Variants in MPPED2 observed in about 807,000 individuals in gnomAD.
MPPED2 encodes the protein metallophosphoesterase MPPED2.
MPPED2 carries 5 observed loss-of-function variants against 33.0 expected under a neutral mutation model. That is an observed-to-expected ratio of 0.15 (90% CI 0.08 to 0.32). The LOEUF (loss-of-function observed/expected upper bound fraction) is 0.32. Among genes scored for constraint, MPPED2 ranks in the 10% least tolerant of loss-of-function variants. The pLI, the probability that MPPED2 is intolerant of heterozygous loss-of-function variation, is 1.00. For missense variants in MPPED2, 275 were observed against 372.1 expected (o/e 0.74, Z 2.15); for synonymous variants, 136 against 141.9 (o/e 0.96, Z 0.29).
intron 3 of MPPED2, among the ~76,000 whole-genome samples, chr11:30,515,329 T>G (rs1431782511): frequency 6.6e-6 from 1 of 152,140 alleles, no homozygotes; most frequent in Non-Finnish European, 1.5e-5. Flanking sequence ...GTGCACTGGC[T>G]GTGAGAGAAC....
At chr11:30,400,952 A>C (rs1323341692) in intron 6 of MPPED2, among the ~76,000 whole-genome samples, 1 of 151,720 alleles carries the variant, frequency 6.6e-6, no homozygotes. Context: ...GATTTTTAGT[A>C]GAGACAAGGT....
chr11:30,571,096 A>G (rs1956668861), intron 2 of MPPED2, among the ~76,000 whole-genome samples: 1 of 152,030 alleles, frequency 6.6e-6, no homozygotes, highest in Non-Finnish European at 1.5e-5. Flanking sequence ...GCTCAATACT[A>G]TCAAATGTGA....
Position 30,498,322 on chromosome 11 carries a change from C to T in MPPED2, c.311-2801G>A, listed in dbSNP as rs146844844. Among the ~76,000 whole-genome samples the T allele has an allele frequency of 1.2e-3, 179 of 152,222 alleles. 1 individual carries two copies. The highest frequency in any genetic ancestry group is 3.9e-3 in the African/African-American group (163 of 41,528). ...TCTACCAGCCGGGCACGGTGGCTCA[C>T]ACCCGGAATCCCAGCACTTTGGGAG... On this transcript the variant is annotated intron_variant, in intron 3 of 6. Transcript: ENST00000358117.
At chr11:30,494,369 A>T (rs1480509184) in intron 4 of MPPED2, among the ~76,000 whole-genome samples, 2 of 152,140 alleles carry the variant, frequency 1.3e-5, no homozygotes. Flanking sequence ...AGCCCCAGTA[A>T]CATAAACATA....
chr11:30,512,248 A>G (rs1485176207), intron 3 of MPPED2, among the ~76,000 whole-genome samples: 3 of 152,098 alleles, frequency 2.0e-5, no homozygotes, highest in Non-Finnish European at 4.4e-5. Context: ...CTACTTGGCC[A>G]CCATTGACTT....
chr11:30,491,242 T>C (rs1951969890), intron 4 of MPPED2, among the ~76,000 whole-genome samples: 1 of 152,200 alleles, frequency 6.6e-6, no homozygotes, highest in African/African-American at 2.4e-5. Flanking sequence ...TTAAAGGAAT[T>C]CAAGCATGCT....
At chr11:30,423,460 A>G (rs1381676146) in intron 4 of MPPED2, among the ~76,000 whole-genome samples, 1 of 152,204 alleles carries the variant, frequency 6.6e-6, no homozygotes, top group Non-Finnish European at 1.5e-5. Context: ...GAAGCTGTGA[A>G]GGGGAAAGTG....
intron 4 of MPPED2, among the ~76,000 whole-genome samples, chr11:30,439,431 C>T (rs1271510909): frequency 6.6e-6 from 1 of 152,092 alleles, no homozygotes; most frequent in African/African-American, 2.4e-5. Context: ...CAGATGTTTC[C>T]TATTACACAC....
At chr11:30,407,106 G>A (rs118053379), downstream of MPPED2, among the ~76,000 whole-genome samples, 673 of 152,266 alleles carry the variant, frequency 4.4e-3, 7 homozygotes, top group Middle Eastern at 0.02. Flanking sequence ...CCTAGGTCAC[G>A]GTATTTATTT....
intron 3 of MPPED2, chr11:30,501,612 G>T (rs1417188149): frequency 1.0e-6 from 1 of 979,594 alleles, no homozygotes; most frequent in African/African-American, 1.7e-5. Flanking sequence ...AGTATAACCT[G>T]TAATAGATAG....
intron 6 of MPPED2, among the ~76,000 whole-genome samples, chr11:30,413,637 C>T (rs754627491): frequency 5.9e-5 from 9 of 152,016 alleles, no homozygotes; most frequent in Non-Finnish European, 8.8e-5. Context: ...CTAATAGCTC[C>T]GATGATTTCT....
At chr11:30,420,134 A>T (rs1948547028) in intron 4 of MPPED2, among the ~76,000 whole-genome samples, 1 of 152,210 alleles carries the variant, frequency 6.6e-6, no homozygotes, top group African/African-American at 2.4e-5. Flanking sequence ...TGGAATTCAG[A>T]TGACCTGAAA....
At chr11:30,462,449 A>G (rs1368156933) in intron 4 of MPPED2, among the ~76,000 whole-genome samples, 1 of 152,350 alleles carries the variant, frequency 6.6e-6, no homozygotes, top group Non-Finnish European at 1.5e-5. Context: ...AAATCACTGC[A>G]TAATTGTAAA....
At chr11:30,558,080 A>G (rs892431891) in intron 2 of MPPED2, among the ~76,000 whole-genome samples, 3 of 152,184 alleles carry the variant, frequency 2.0e-5, no homozygotes, top group African/African-American at 4.8e-5. Flanking sequence ...AATTGTTTTC[A>G]GTGATATTGG....
chr11:30,558,024 T>C (rs989261169), intron 2 of MPPED2, among the ~76,000 whole-genome samples: 3 of 152,224 alleles, frequency 2.0e-5, no homozygotes, highest in Non-Finnish European at 4.4e-5. Context: ...TTTCTTTATG[T>C]GCCCATGACC....
intron 2 of MPPED2, among the ~76,000 whole-genome samples, chr11:30,564,543 C>G (rs1009117068): frequency 2.0e-5 from 3 of 152,184 alleles, no homozygotes; most frequent in Non-Finnish European, 4.4e-5. Flanking sequence ...AAGTAACTCA[C>G]TCAAAGTTGC....
exon 7 of MPPED2, chr11:30,388,185 T>G (rs1489149075): frequency 2.6e-5 from 4 of 152,216 alleles, no homozygotes; most frequent in Non-Finnish European, 4.4e-5. Context: ...TCATCCTGAA[T>G]CCCCCTAATC....
At chr11:30,417,712 C>A in intron 4 of MPPED2, 79 bp from the exon 5 acceptor site, 1 of 816,896 alleles carries the variant, frequency 1.2e-6, no homozygotes, top group South Asian at 1.5e-5. Flanking sequence ...CTCGCACATT[C>A]CCCCACGGTT....
At chr11:30,447,895 G>T (rs542626579) in intron 4 of MPPED2, among the ~76,000 whole-genome samples, 43 of 152,222 alleles carry the variant, frequency 2.8e-4, no homozygotes, top group African/African-American at 9.9e-4. Context: ...TATGATCTTA[G>T]GGAGCAGATC....
Sources: gnomAD v4.1 joint callset for allele counts (sites outside exome capture counted in the v4.1 genomes callset) on GRCh38, gnomAD v4.1.1 for gene constraint, MANE v1.5 for transcripts, NCBI Gene and HGNC (gene_info 2026-07-23, HGNC 2026-07-21) for gene names.